The following NELL1 variants were observed in gnomAD, a reference collection of about 807,000 sequenced individuals.
NELL1 encodes the protein neural EGFL like 1.
NELL1 carries 76 observed loss-of-function variants against 107.4 expected under a neutral mutation model. That is an observed-to-expected ratio of 0.71 (90% CI 0.59 to 0.86). The LOEUF (loss-of-function observed/expected upper bound fraction) is 0.86, where lower values mean the gene tolerates loss of function less well. NELL1 is among the 40% of genes least tolerant of loss of function. The pLI, the probability that NELL1 is intolerant of heterozygous loss-of-function variation, is 0.00. For missense variants in NELL1, 1,024 were observed against 1,005.5 expected, an observed-to-expected ratio of 1.02 and a Z score of -0.25; for synonymous variants, 353 against 341.2, an observed-to-expected ratio of 1.03 and a Z score of -0.38.
At chr11:21,396,088 A>G (rs999931871) in intron 15 of NELL1, among the ~76,000 whole-genome samples, 5 of 151,510 alleles carry the variant, frequency 3.3e-5, no homozygotes, top group African/African-American at 9.7e-5. Context: ...TTCATCAAAT[A>G]AATGAATTTT....
chr11:20,893,370 T>TC (rs1312332595), intron 5 of NELL1, among the ~76,000 whole-genome samples: 1 of 16,594 alleles, frequency 6.0e-5, no homozygotes, highest in Non-Finnish European at 3.8e-4. Flanking sequence ...GTATCCCGTG[T>TC]TTTTTTTTTT....
intron 15 of NELL1, among the ~76,000 whole-genome samples, chr11:21,382,609 AT>A (rs1427505309): frequency 6.6e-6 from 1 of 151,926 alleles, no homozygotes; most frequent in Non-Finnish European, 1.5e-5. Context: ...ATTAACAAGA[AT>A]AGAATAGAAA....
At chr11:21,043,413 T>C (rs1029205656) in intron 12 of NELL1, among the ~76,000 whole-genome samples, 1 of 152,254 alleles carries the variant, frequency 6.6e-6, no homozygotes, top group Middle Eastern at 3.4e-3. Context: ...TGGTGTGTTC[T>C]AGGGAGTGTG....
intron 14 of NELL1, among the ~76,000 whole-genome samples, chr11:21,313,113 C>T (rs1164914684): frequency 2.0e-5 from 3 of 151,442 alleles, no homozygotes; most frequent in Non-Finnish European, 4.4e-5. Context: ...GAGACAGATC[C>T]CTTGTCAGCT....
At chr11:21,107,326 TA>T (rs5790162) in intron 12 of NELL1, among the ~76,000 whole-genome samples, 4 of 151,440 alleles carry the variant, frequency 2.6e-5, no homozygotes, top group Middle Eastern at 3.2e-3. Context: ...TAGGCCCAAT[TA>T]AAAAAAAATC....
chr11:21,567,215 T>G (rs547598318), intron 17 of NELL1, among the ~76,000 whole-genome samples: 72 of 151,984 alleles, frequency 4.7e-4, no homozygotes, highest in African/African-American at 1.7e-3. Context: ...GTGTTGTAGC[T>G]ATCATTACTT....
At chr11:21,208,322 G>A (rs535317843) in intron 13 of NELL1, among the ~76,000 whole-genome samples, 8 of 151,594 alleles carry the variant, frequency 5.3e-5, no homozygotes, top group African/African-American at 9.7e-5. Flanking sequence ...CATAACTCCC[G>A]TTTATCTTCT....
intron 12 of NELL1, among the ~76,000 whole-genome samples, chr11:21,060,414 C>T (rs1327807232): frequency 2.6e-5 from 4 of 152,104 alleles, no homozygotes; most frequent in Non-Finnish European, 5.9e-5. Flanking sequence ...CAGTCATTTG[C>T]TTCCTGTGAA....
intron 2 of NELL1, among the ~76,000 whole-genome samples, chr11:20,710,132 C>G (rs1855075141): frequency 6.6e-6 from 1 of 152,148 alleles, no homozygotes; most frequent in South Asian, 2.1e-4. Flanking sequence ...TGTTCCAGAT[C>G]TCAGGGGAAA....
At chr11:20,961,839 A>G (rs1851296923) in intron 12 of NELL1, among the ~76,000 whole-genome samples, 1 of 152,102 alleles carries the variant, frequency 6.6e-6, no homozygotes, top group African/African-American at 2.4e-5. Context: ...AATTCCCTGC[A>G]TATACCCAGG....
intron 9 of NELL1, among the ~76,000 whole-genome samples, chr11:20,930,459 C>CT (rs910677667): frequency 1.3e-5 from 2 of 152,008 alleles, no homozygotes; most frequent in Non-Finnish European, 2.9e-5. Flanking sequence ...TGTTGCATAA[C>CT]TTTTTTTTAA....
chr11:21,339,091 G>A (rs894850474), intron 14 of NELL1, among the ~76,000 whole-genome samples: 5 of 152,066 alleles, frequency 3.3e-5, no homozygotes, highest in Non-Finnish European at 7.4e-5. Flanking sequence ...GCTAAATTGT[G>A]TCCCCTCAAA....
At chr11:20,700,338 G>A (rs1854743830) in intron 2 of NELL1, among the ~76,000 whole-genome samples, 1 of 151,922 alleles carries the variant, frequency 6.6e-6, no homozygotes, top group Non-Finnish European at 1.5e-5. Flanking sequence ...AATTAGCCAG[G>A]CATGGTGGCA....
At chr11:21,397,876 C>T (rs1390067433) in intron 15 of NELL1, among the ~76,000 whole-genome samples, 1 of 151,378 alleles carries the variant, frequency 6.6e-6, no homozygotes, top group Admixed American at 6.6e-5. Context: ...TTTCCTTCCA[C>T]CATGTGAGGT....
chr11:21,049,545 C>G (rs1240103507), intron 12 of NELL1, among the ~76,000 whole-genome samples: 1 of 152,064 alleles, frequency 6.6e-6, no homozygotes, highest in Non-Finnish European at 1.5e-5. Flanking sequence ...AGCAAATTAC[C>G]CCCAAGATGA....
intron 12 of NELL1, among the ~76,000 whole-genome samples, chr11:21,002,170 T>G (rs1053361984): frequency 3.9e-5 from 6 of 152,174 alleles, no homozygotes; most frequent in Non-Finnish European, 7.3e-5. Flanking sequence ...AAACTGCCTC[T>G]CCATATATTT....
chr11:21,496,279 CTATAAT>C (rs569776382), intron 15 of NELL1, among the ~76,000 whole-genome samples: 1 of 151,778 alleles, frequency 6.6e-6, no homozygotes, highest in African/African-American at 2.4e-5. Flanking sequence ...CTTTTAATGT[CTATAAT>C]TATGTTTCTT....
chr11:20,752,899 T>G (rs1856174112), intron 2 of NELL1, among the ~76,000 whole-genome samples: 1 of 152,166 alleles, frequency 6.6e-6, no homozygotes, highest in South Asian at 2.1e-4. Flanking sequence ...TAACTATGTC[T>G]GGGTGAAGTA....
chr11:20,957,192 G>T (rs964923503), intron 11 of NELL1, among the ~76,000 whole-genome samples: 2 of 152,166 alleles, frequency 1.3e-5, no homozygotes, highest in Non-Finnish European at 2.9e-5. Context: ...CTTAAAGGGT[G>T]AATCCCTCCA....
Sources: allele counts gnomAD v4.1 joint callset (sites outside exome capture counted in the v4.1 genomes callset), GRCh38; gene constraint gnomAD v4.1.1; transcripts MANE v1.5; gene names NCBI Gene and HGNC (gene_info 2026-07-23, HGNC 2026-07-21).